The following ITPR1 variants were observed in gnomAD, a reference collection of about 807,000 sequenced individuals.
The protein encoded by ITPR1 is inositol 1,4,5-trisphosphate receptor type 1.
ITPR1 carries 96 observed loss-of-function variants against 318.4 expected under a neutral mutation model. The observed-to-expected ratio is 0.30, with a 90% confidence interval of 0.26 to 0.36. The LOEUF is 0.36. Among genes scored for constraint, ITPR1 ranks in the 10% least tolerant of loss-of-function variants. ITPR1 has a pLI of 1.00. For synonymous variants in ITPR1, 1,312 were observed against 1,289.9 expected, an observed-to-expected ratio of 1.02 and a Z score of -0.37; for missense variants, 2,440 against 3,460.2, an observed-to-expected ratio of 0.71 and a Z score of 7.40.
Position 4,688,787 on chromosome 3 carries a change from T to C in ITPR1, c.3828+167T>C, listed in dbSNP as rs370847612. On this transcript the variant is annotated intron_variant, in intron 31 of 61. Transcript: ENST00000649015. ...CTTATCACGAGGACATAAATACTCA[T>C]CTTTTGGGGATGAGATGGCAGGAGT... Among the ~76,000 whole-genome samples, 11 of 152,230 alleles carry C rather than the reference T, an allele frequency of 7.2e-5. No individual in the cohort carries two copies. The South Asian group carries it at 2.3e-3, about 32-fold the overall frequency.
chr3:4,755,457 T>C (rs1351309981), intron 44 of ITPR1, among the ~76,000 whole-genome samples: 1 of 151,892 alleles, frequency 6.6e-6, no homozygotes, highest in Non-Finnish European at 1.5e-5. Flanking sequence ...CAGGCTGGTC[T>C]TGAAATCCTG....
At chr3:4,580,838 A>G (rs567421418) in intron 4 of ITPR1, among the ~76,000 whole-genome samples, 1 of 151,552 alleles carries the variant, frequency 6.6e-6, no homozygotes, top group East Asian at 1.9e-4. Flanking sequence ...GTGGGCACAT[A>G]GGGTGAGTGG....
Position 4,847,363 on chromosome 3 carries a change from C to T in ITPR1, c.*1138C>T, listed in dbSNP as rs2051859388. ...TTTATATCTGTTGCCTAGTTTTGTA[C>T]ATGGATCTCATTTTACAAGAGAATC... On this transcript the variant is annotated 3_prime_UTR_variant, in exon 62 of 62. Coordinates refer to ENST00000649015, the MANE Select transcript of ITPR1 (RefSeq NM_001378452.1). The T allele has an allele frequency of 8.0e-6, 1 of 124,696 alleles. No homozygotes were observed. Among genetic ancestry groups the T allele is most frequent in the African/African-American group, 3.1e-5 (1 of 32,566 alleles). 7.7% of individuals were successfully genotyped at this position (124,696 alleles called of 1,614,324 possible).
At chr3:4,582,343 C>A (rs1220054559) in intron 4 of ITPR1, among the ~76,000 whole-genome samples, 1 of 152,062 alleles carries the variant, frequency 6.6e-6, no homozygotes, top group East Asian at 1.9e-4. Context: ...AGGAAAATGT[C>A]CTCCCCCACC....
chr3:4,678,248 A>G (rs953785326), intron 24 of ITPR1, among the ~76,000 whole-genome samples: 1 of 152,248 alleles, frequency 6.6e-6, no homozygotes, highest in Non-Finnish European at 1.5e-5. Context: ...GAGCAACAGT[A>G]GAGAAAGATT....
intron 61 of ITPR1, among the ~76,000 whole-genome samples, chr3:4,840,633 G>A (rs530285255): frequency 9.8e-4 from 149 of 152,268 alleles, no homozygotes; most frequent in African/African-American, 3.4e-3. Context: ...TAGGATATTA[G>A]TAAAATTATG....
intron 5 of ITPR1, among the ~76,000 whole-genome samples, chr3:4,631,693 ACT>A (rs2093019739): frequency 1.3e-5 from 2 of 151,922 alleles, no homozygotes; most frequent in African/African-American, 4.8e-5. Flanking sequence ...TGCAAAGTAC[ACT>A]CTTTTCTTTC....
chr3:4,744,997 CCTT>C (rs1223750792), intron 44 of ITPR1, among the ~76,000 whole-genome samples: 1 of 143,840 alleles, frequency 7.0e-6, no homozygotes, highest in Non-Finnish European at 1.5e-5. Context: ...CTCCTTCTCT[CCTT>C]CTCTTTCCTT....
rs531235222 is a variant in ITPR1 at position 4,683,770 on chromosome 3, C to T, written c.3470C>T (p.Ser1157Phe). 3.7e-6 allele frequency: 6 copies of T among 1,613,958 alleles called. No homozygotes were observed. The South Asian group carries it at 6.6e-5, about 18-fold the overall frequency. The part of the protein sequence containing the change: ...QGPDETMDGA[S>F]GENEHKKTEE... ...CCCGATGAGACTATGGATGGTGCAT[C>T]TGGAGAAAATGAACATAAGAAAACG... is the stretch of plus-strand genomic sequence containing the variant. The change falls in exon 28 of 62, where the codon TCT (serine) becomes TTT (phenylalanine). Residue 1157 changes from serine (S) to phenylalanine (F), a missense_variant. Physicochemically the swap from Ser to Phe is radical, Grantham distance 155. Around this residue, in one of 23 missense-constraint regions of ITPR1, gnomAD observed 86 missense variants for 75.6 expected, o/e 1.14. Coordinates refer to ENST00000649015, the MANE Select transcript of ITPR1 (RefSeq NM_001378452.1).
intron 51 of ITPR1, among the ~76,000 whole-genome samples, chr3:4,787,121 C>T (rs944511842): frequency 8.5e-5 from 13 of 152,054 alleles, no homozygotes; most frequent in African/African-American, 1.7e-4. Flanking sequence ...CGGCTGTCCT[C>T]GTGGATAGGA....
intron 5 of ITPR1, among the ~76,000 whole-genome samples, chr3:4,628,529 G>T (rs73106484): frequency 0.044 from 6,770 of 152,236 alleles, 482 homozygotes; most frequent in African/African-American, 0.15. Context: ...GGCTAATCAG[G>T]AAGTTCTCTG....
intron 58 of ITPR1, 157 bp downstream of exon 58, chr3:4,814,719 C>T: frequency 1.4e-6 from 1 of 708,306 alleles, no homozygotes; most frequent in East Asian, 2.7e-5. Context: ...CTCCTTTCCT[C>T]TCTATCACGT....
At chr3:4,765,030 A>C (rs569686397) in intron 44 of ITPR1, among the ~76,000 whole-genome samples, 18 of 151,830 alleles carry the variant, frequency 1.2e-4, no homozygotes, top group Non-Finnish European at 2.5e-4. Context: ...AGGTAGATGG[A>C]TGAATGGATG....
chr3:4,598,478 G>A (rs145016097), intron 4 of ITPR1, among the ~76,000 whole-genome samples: 172 of 152,194 alleles, frequency 1.1e-3, no homozygotes, highest in African/African-American at 3.9e-3. Context: ...AAAATTAGCT[G>A]GGTGTGGTGG....
Position 4,649,429 on chromosome 3 carries a change from A to C in ITPR1, c.856-2694A>C, listed in dbSNP as rs969752753. ...TATTTTATATTTGTAGTAATGAGCC[A>C]GGGTTTACATTATATGTCTGTAGCT... On this transcript the variant is annotated intron_variant, in intron 10 of 61. Coordinates refer to ENST00000649015, the MANE Select transcript of ITPR1 (RefSeq NM_001378452.1). Among the ~76,000 whole-genome samples the C allele has an allele frequency of 7.9e-5, 12 of 152,334 alleles. No homozygotes were observed. In the South Asian group the frequency reaches 1.4e-3, roughly 18 times the overall value.
At chr3:4,556,827 A>G (rs2125009643) in intron 4 of ITPR1, among the ~76,000 whole-genome samples, 1 of 152,300 alleles carries the variant, frequency 6.6e-6, no homozygotes, top group Middle Eastern at 3.4e-3. Context: ...TTGAGTAAAT[A>G]CCAAGGATCA....
chr3:4,522,534 T>G (rs1344043550), intron 4 of ITPR1, among the ~76,000 whole-genome samples: 3 of 152,194 alleles, frequency 2.0e-5, no homozygotes, highest in Non-Finnish European at 4.4e-5. Context: ...TAGGGGAGGC[T>G]GTTAAAGAGA....
chr3:4,800,903 A>G lies in ITPR1; in HGVS notation c.7107+303A>G, dbSNP rs539199154. Among the ~76,000 whole-genome samples, 38 of 152,332 alleles carry G rather than the reference A, an allele frequency of 2.5e-4. No homozygotes were observed. In the South Asian group the frequency reaches 2.7e-3, roughly 11 times the overall value. ...TTTGAGATTTAAGTTAGTTTTGCCAATCTGGTCAAAGGTTTGTTGGGACAG... is the reference window on the plus strand; with the variant it reads ...TTTGAGATTTAAGTTAGTTTTGCCAGTCTGGTCAAAGGTTTGTTGGGACAG... On this transcript the variant is annotated intron_variant, in intron 54 of 61. Coordinates refer to ENST00000649015, the MANE Select transcript of ITPR1 (RefSeq NM_001378452.1).
chr3:4,602,109 C>G (rs2091331841), intron 4 of ITPR1, among the ~76,000 whole-genome samples: 1 of 152,152 alleles, frequency 6.6e-6, no homozygotes, highest in African/African-American at 2.4e-5. Flanking sequence ...ATGACACAAC[C>G]ACTTTGTAAA....
Sources: gnomAD v4.1 joint callset for allele counts (sites outside exome capture counted in the v4.1 genomes callset) on GRCh38, gnomAD v4.1.1 for gene constraint, gnomAD v4.1.1 regional missense constraint, MANE v1.5 for transcripts, NCBI Gene and HGNC (gene_info 2026-07-23, HGNC 2026-07-21) for gene names.